GCGR: variants seen among roughly 807,000 people sequenced by gnomAD.
GCGR encodes the protein glucagon receptor.
GCGR carries 41 observed loss-of-function variants against 56.1 expected under a neutral mutation model. The observed-to-expected ratio is 0.73, with a 90% CI of 0.57 to 0.95. GCGR has a LOEUF of 0.95. Ranked by LOEUF, GCGR falls within the 40% of genes least tolerant of loss-of-function variation. GCGR has a pLI of 0.00. For missense variants in GCGR, 595 were observed against 638.2 expected, an observed-to-expected ratio of 0.93 and a Z score of 0.73; for synonymous variants, 278 against 271.1, an observed-to-expected ratio of 1.03 and a Z score of -0.25.
In GCGR at chr17:81,810,294, G is replaced by C; in HGVS notation, c.163+410G>C. The C allele has an allele frequency of 5.7e-6, 2 of 351,572 alleles. No individual in the cohort carries two copies. Among genetic ancestry groups the C allele is most frequent in the South Asian group, 4.9e-5 (2 of 40,862 alleles). The allele number at this position is 351,572 out of a possible 1,614,324, so 21.8% of individuals were successfully genotyped here. A position where few individuals can be genotyped will look rare whatever the true frequency, so the allele number is the denominator to read the frequency against. Reference sequence around the variant, plus strand: ...CTGGACACTTGGGGTGCAGGGAGAGGATAGGGCTGGAGGACTCACCCGGGA... The same window carrying C: ...CTGGACACTTGGGGTGCAGGGAGAGCATAGGGCTGGAGGACTCACCCGGGA... On this transcript the variant is annotated intron_variant, in intron 3 of 13. Transcript: ENST00000400723. This position sits in a 1 kb window ranked among gnomAD's most constrained non-coding sequence, Gnocchi z 4.6.
At position 81,808,873 on chromosome 17, in the gene GCGR, G is replaced by A. The variant is rs925507382; in HGVS notation, c.-146G>A. ...GAGGCTCAGAGGGGCAGCTTCAGGGGAGGACACCCCACTGGCCAGGACGCC... is the reference window on the plus strand; with the variant it reads ...GAGGCTCAGAGGGGCAGCTTCAGGGAAGGACACCCCACTGGCCAGGACGCC... On this transcript the variant is annotated 5_prime_UTR_variant, in exon 2 of 14. Transcript: ENST00000400723. The A allele has an allele frequency of 4.7e-5, 45 of 955,930 alleles. No homozygotes were observed. Among genetic ancestry groups the A allele is most frequent in the Admixed American group, 8.2e-5 (4 of 48,642 alleles). 59.2% of individuals were successfully genotyped at this position (955,930 alleles called of 1,614,324 possible).
chr17:81,805,193 G>T (rs1184763695), intron 1 of GCGR: 1 of 152,260 alleles, frequency 6.6e-6, no homozygotes, highest in Non-Finnish European at 1.5e-5. Flanking sequence ...TGCCTTCCTG[G>T]ACCAGTGGCC....
chr17:81,809,142 C>G (rs1306418525), intron 2 of GCGR, 64 bp downstream of exon 2: 9 of 1,480,228 alleles, frequency 6.1e-6, no homozygotes, highest in South Asian at 1.3e-5. Context: ...ACTGATGGCT[C>G]TCTGTCTGCC....
At chr17:81,809,730 TCTGC>T (rs2038054169) in intron 2 of GCGR, 48 bp from the exon 3 acceptor site, 2 of 1,413,484 alleles carry the variant, frequency 1.4e-6, no homozygotes, top group Non-Finnish European at 1.9e-6. Flanking sequence ...TGCCTGTCTG[TCTGC>T]CTGCCTGTCT....
intron 1 of GCGR, among the ~76,000 whole-genome samples, chr17:81,807,739 G>A (rs747048741): frequency 1.3e-5 from 2 of 152,224 alleles, no homozygotes; most frequent in Non-Finnish European, 2.9e-5. Flanking sequence ...GCACATGCAC[G>A]TGGACCCACA....
At chr17:81,807,894 C>G (rs1027855301) in intron 1 of GCGR, among the ~76,000 whole-genome samples, 12 of 152,252 alleles carry the variant, frequency 7.9e-5, no homozygotes, top group African/African-American at 2.9e-4. Context: ...GGGGCTGTGA[C>G]TCCCACAGCC....
At position 81,810,612 on chromosome 17, in the gene GCGR, G is replaced by A. The variant is rs1017356233; in HGVS notation, c.164-213G>A. Among the ~76,000 whole-genome samples the A allele has an allele frequency of 3.9e-5, 6 of 152,060 alleles. No individual in the cohort carries two copies. The highest frequency in any genetic ancestry group is 7.4e-5 in the Non-Finnish European group (5 of 67,974). ...GGGCTGGGCTGGGCGTGCTAGCGGAGGCTGGTCCAGGGGAGGTGGATGGTC... is the reference window on the plus strand; with the variant it reads ...GGGCTGGGCTGGGCGTGCTAGCGGAAGCTGGTCCAGGGGAGGTGGATGGTC... On this transcript the variant is annotated intron_variant, in intron 3 of 13. Transcript: ENST00000400723. The surrounding 1 kb of genome is among the most constrained non-coding windows in gnomAD (Gnocchi z 4.6).
Position 81,812,000 on chromosome 17 carries a change from C to G in GCGR, c.878+54C>G. 1 of 1,532,842 alleles carries G rather than the reference C, an allele frequency of 6.5e-7. No homozygotes were observed. Among genetic ancestry groups the G allele is most frequent in the East Asian group, 2.4e-5 (1 of 40,876 alleles). The allele number at this position is 1,532,842 out of a possible 1,614,324, so 95.0% of individuals were successfully genotyped here. A position where few individuals can be genotyped will look rare whatever the true frequency, so the allele number is the denominator to read the frequency against. On this transcript the variant is annotated intron_variant, in intron 9 of 13. Transcript: ENST00000400723. This position sits in a 1 kb window ranked among gnomAD's most constrained non-coding sequence, Gnocchi z 5.8. ...GAGGGACCGGGGGGCTGGGGTGCGG[C>G]GCTCTGGCCTGAGGCAGGGAGGGGC... is the stretch of plus-strand genomic sequence containing the variant.
Position 81,813,018 on chromosome 17 carries a change from C to T in GCGR, c.1179C>T (p.Gly393=), listed in dbSNP as rs1260371121. 6.5e-7 allele frequency: 1 copy of T among 1,536,356 alleles called. No individual in the cohort carries two copies. The highest frequency in any genetic ancestry group is 1.4e-5 in the African/African-American group (1 of 73,032). Residue 393 remains glycine, a splice_region_variant and synonymous_variant, in exon 13 of 14, where the codon GGC becomes GGT. Transcript: ENST00000400723. This position sits in a 1 kb window ranked among gnomAD's most constrained non-coding sequence, Gnocchi z 5.3. Reference sequence around the variant, plus strand: ...CCCTGACCACCCTGTCTCTCCAGGGCCTGCTGGTGGCTGTCCTCTACTGCT... The same window carrying T: ...CCCTGACCACCCTGTCTCTCCAGGGTCTGCTGGTGGCTGTCCTCTACTGCT... The part of the protein sequence containing the change: ...FFDLFLSSFQ[G]LLVAVLYCFL...
Position 81,810,898 on chromosome 17 carries a change from C to T in GCGR, c.237C>T (p.Ile79=), listed in dbSNP as rs899064710. Residue 79 remains isoleucine, a synonymous_variant, in exon 4 of 14, where the codon ATC becomes ATT. Coordinates refer to ENST00000400723, the MANE Select transcript of GCGR (RefSeq NM_000160.5). The surrounding 1 kb of genome is among the most constrained non-coding windows in gnomAD (Gnocchi z 4.6). ...PDTPANTTAN[I]SCPWYLPWHH... is the part of the protein sequence containing the mutation. Reference sequence around the variant, plus strand: ...CCCCCGCCAATACCACGGCCAACATCTCCTGCCCCTGGTACCTGCCTTGGC... The same window carrying T: ...CCCCCGCCAATACCACGGCCAACATTTCCTGCCCCTGGTACCTGCCTTGGC... 9.1e-6 allele frequency: 14 copies of T among 1,536,770 alleles called. No individual in the cohort carries two copies. The highest frequency in any genetic ancestry group is 1.2e-5 in the South Asian group (1 of 84,068).
chr17:81,809,221 TGTCTGCCTGTCC>T, intron 2 of GCGR, 143 bp downstream of exon 2: 1 of 987,112 alleles, frequency 1.0e-6, no homozygotes, highest in Non-Finnish European at 1.5e-6. Context: ...TCTGCCTGTC[TGTCTGCCTGTCC>T]GTCTGTCTGT....
chr17:81,809,295 CCTGT>C (rs1448954405), intron 2 of GCGR, among the ~76,000 whole-genome samples: 13 of 148,930 alleles, frequency 8.7e-5, no homozygotes, highest in Admixed American at 1.3e-4. Context: ...TGTCCGTCTG[CCTGT>C]CTGTCTGCCT....
In GCGR at chr17:81,812,212, T is replaced by C. The variant is rs5387; in HGVS notation, c.908T>C (p.Phe303Ser). 1 of 1,535,988 alleles carries C rather than the reference T, an allele frequency of 6.5e-7. No homozygotes were observed. Among genetic ancestry groups the C allele is most frequent in the Non-Finnish European group, 8.7e-7 (1 of 1,146,782 alleles). ...TGGACCAGCAATGACAACATGGGCT[T>C]CTGGTGGATCCTGCGGTTCCCCGTC... is the stretch of plus-strand genomic sequence containing the variant. ...QCWTSNDNMG[F>S]WWILRFPVFL... The change falls in exon 10 of 14, where the codon TTC becomes TCC. Residue 303 changes from phenylalanine (F) to serine (S), a missense_variant. By Grantham distance (155) the Phe-to-Ser change is radical. Coordinates refer to ENST00000400723, the MANE Select transcript of GCGR (RefSeq NM_000160.5). The surrounding 1 kb of genome is among the most constrained non-coding windows in gnomAD (Gnocchi z 8.5).
chr17:81,808,762 A>AC (rs998781378), intron 1 of GCGR, 80 bp from the exon 2 acceptor site: 21 of 559,640 alleles, frequency 3.8e-5, no homozygotes, highest in Non-Finnish European at 5.7e-5. Context: ...CTCGTGATCC[A>AC]CCCCCCTCGG....
At chr17:81,809,386 T>TCTGTCCGTCTGCCTGTCTGC (rs2038034429) in intron 2 of GCGR, among the ~76,000 whole-genome samples, 3 of 131,482 alleles carry the variant, frequency 2.3e-5, no homozygotes, top group Non-Finnish European at 4.7e-5. Flanking sequence ...CTGCTGCCTG[T>TCTGTCCGTCTGCCTGTCTGC]CTGTCCGTCT....
At chr17:81,809,742 T>TCTGCCTGC (rs1568251113) in intron 2 of GCGR, 40 bp from the exon 3 acceptor site, 114 of 1,247,330 alleles carry the variant, frequency 9.1e-5, no homozygotes, top group Non-Finnish European at 1.1e-4. Context: ...TGCCTGCCTG[T>TCTGCCTGC]CTGTCTGTCT....
At position 81,813,898 on chromosome 17, in the gene GCGR, C is replaced by CAGGGCGGGAGTGGGGGCT; in HGVS notation, c.*210_*227dup. On this transcript the variant is annotated 3_prime_UTR_variant, in exon 14 of 14. Coordinates refer to ENST00000400723, the MANE Select transcript of GCGR (RefSeq NM_000160.5). The surrounding 1 kb of genome is among the most constrained non-coding windows in gnomAD (Gnocchi z 5.3). ...TGGTGCAGAGGTGAGCAGAGGAGTC[C>CAGGGCGGGAGTGGGGGCT]AGGGCGGGAGTGGGGGCTGTGCCGT... 1 of 587,512 alleles carries CAGGGCGGGAGTGGGGGCT rather than the reference C, an allele frequency of 1.7e-6. No homozygotes were observed. The highest frequency in any genetic ancestry group is 2.1e-5 in the South Asian group (1 of 47,498). 36.4% of individuals were successfully genotyped at this position (587,512 alleles called of 1,614,324 possible). A position where few individuals can be genotyped will look rare whatever the true frequency, so the allele number is the denominator to read the frequency against.
intron 2 of GCGR, 106 bp from the exon 3 acceptor site, chr17:81,809,672 TGTCC>T (rs1403734712): frequency 6.4e-6 from 5 of 786,578 alleles, no homozygotes; most frequent in Non-Finnish European, 1.1e-5. Context: ...TCTGCCTGTC[TGTCC>T]ATCTGCCTAT....
Position 81,810,298 on chromosome 17 carries a change from G to A in GCGR, c.163+414G>A. 1.4e-5 allele frequency: 5 copies of A among 345,802 alleles called. No homozygotes were observed. The highest frequency in any genetic ancestry group is 1.3e-4 in the South Asian group (5 of 39,472). 21.4% of individuals were successfully genotyped at this position (345,802 alleles called of 1,614,324 possible). Reference sequence around the variant, plus strand: ...ACACTTGGGGTGCAGGGAGAGGATAGGGCTGGAGGACTCACCCGGGAGGCA... The same window carrying A: ...ACACTTGGGGTGCAGGGAGAGGATAAGGCTGGAGGACTCACCCGGGAGGCA... On this transcript the variant is annotated intron_variant, in intron 3 of 13. Transcript: ENST00000400723. This position sits in a 1 kb window ranked among gnomAD's most constrained non-coding sequence, Gnocchi z 4.6.
Sources: allele counts gnomAD v4.1 joint callset (sites outside exome capture counted in the v4.1 genomes callset), GRCh38; gene constraint gnomAD v4.1.1; non-coding constraint Gnocchi (gnomAD v3.1); transcripts MANE v1.5; gene names NCBI Gene and HGNC (gene_info 2026-07-23, HGNC 2026-07-21).